The following TRAK1 variants were observed in gnomAD, a reference collection of about 807,000 sequenced individuals.
The protein encoded by TRAK1 is trafficking kinesin-binding protein 1.
Under a neutral mutation model 92.1 loss-of-function variants are expected in TRAK1, and 33 were observed. The ratio of observed to expected loss-of-function variants is 0.36; its 90% CI spans 0.27 to 0.48. TRAK1 has a LOEUF of 0.48. TRAK1 is among the 20% of genes least tolerant of loss of function. The probability of loss-of-function intolerance (pLI) is 0.99; values close to 1 mark genes in which losing one functional copy is unlikely to be tolerated. For missense variants in TRAK1, 1,123 were observed against 1,257.9 expected (o/e 0.89, Z 1.62); for synonymous variants, 521 against 517.3 (o/e 1.01, Z -0.10).
intron 1 of TRAK1, among the ~76,000 whole-genome samples, chr3:42,075,515 T>C (rs573404893): frequency 6.6e-6 from 1 of 152,292 alleles, no homozygotes; most frequent in South Asian, 2.1e-4. Context: ...GTAATGGGAT[T>C]GTTGCGTTGA....
chr3:42,207,263 G>A (rs1708440628), intron 13 of TRAK1, among the ~76,000 whole-genome samples: 1 of 152,206 alleles, frequency 6.6e-6, no homozygotes, highest in South Asian at 2.1e-4. Context: ...CAGCCAGTGA[G>A]CATTTGTACT....
At chr3:42,185,771 A>G (rs1424141399) in intron 4 of TRAK1, among the ~76,000 whole-genome samples, 1 of 149,446 alleles carries the variant, frequency 6.7e-6, no homozygotes, top group Non-Finnish European at 1.5e-5. Flanking sequence ...CCCCGAGTTC[A>G]AGCTATTGTC....
intron 7 of TRAK1, among the ~76,000 whole-genome samples, chr3:42,192,474 T>TAAGTATTTTGCATTTTGTCAAAGTACC (rs1705946916): frequency 5.3e-5 from 7 of 131,874 alleles, no homozygotes; most frequent in Non-Finnish European, 1.1e-4. Context: ...GTCAAAGTAC[T>TAAGTATTTTGCATTTTGTCAAAGTACC]AAGTATTTTG....
At chr3:42,065,735 T>C (rs1703647632) in intron 1 of TRAK1, among the ~76,000 whole-genome samples, 1 of 152,032 alleles carries the variant, frequency 6.6e-6, no homozygotes, top group African/African-American at 2.4e-5. Context: ...GCCCAAGCTA[T>C]CCTCTCACCT....
At chr3:42,015,638 G>C (rs762614596) in intron 1 of TRAK1, among the ~76,000 whole-genome samples, 3 of 152,122 alleles carry the variant, frequency 2.0e-5, no homozygotes, top group Non-Finnish European at 4.4e-5. Flanking sequence ...CAACATGATT[G>C]GGTTTGTAAT....
chr3:42,131,547 T>A (rs150438576), intron 2 of TRAK1, among the ~76,000 whole-genome samples: 4 of 151,486 alleles, frequency 2.6e-5, no homozygotes, highest in Non-Finnish European at 5.9e-5. Flanking sequence ...CGAAACTCCA[T>A]CTCTACTAAA....
intron 3 of TRAK1, among the ~76,000 whole-genome samples, chr3:42,183,757 A>G (rs1192700494): frequency 6.6e-6 from 1 of 152,144 alleles, no homozygotes; most frequent in Non-Finnish European, 1.5e-5. Flanking sequence ...TAATTAGCAT[A>G]GACTTCTAAA....
intron 4 of TRAK1, among the ~76,000 whole-genome samples, chr3:42,185,973 C>CTTTTTTTTTT (rs1054954407): frequency 9.5e-5 from 8 of 83,974 alleles, no homozygotes; most frequent in African/African-American, 1.1e-4. Flanking sequence ...TGTGCCCAGC[C>CTTTTTTTTTT]TTTTTTTTTT....
chr3:42,209,786 C>T lies in TRAK1; in HGVS notation c.1764C>T (p.His588=), dbSNP rs1175338536. ...KPLEGSATLH[H]WQQLAQPHLG... is the part of the protein sequence containing the mutation. ...TGCAAGGTTCCGCCACACTTCACCA[C>T]TGGCAGCAGTTGGCCCAACCTCACC... The change falls in exon 14 of 16, where the codon CAC becomes CAT. Residue 588 remains histidine, a synonymous_variant. Coordinates refer to ENST00000327628, the MANE Select transcript of TRAK1 (RefSeq NM_001042646.3). 1.9e-6 allele frequency: 3 copies of T among 1,614,188 alleles called. No homozygotes were observed. The highest frequency in any genetic ancestry group is 1.1e-5 in the South Asian group (1 of 91,082).
chr3:42,093,518 T>G (rs1210002161), intron 1 of TRAK1, among the ~76,000 whole-genome samples: 2 of 151,948 alleles, frequency 1.3e-5, no homozygotes, highest in African/African-American at 2.4e-5. Context: ...CATGTGATTT[T>G]GGGGCCATAG....
chr3:42,045,428 G>A (rs564211817), intron 1 of TRAK1, among the ~76,000 whole-genome samples: 142 of 152,288 alleles, frequency 9.3e-4, no homozygotes, highest in Non-Finnish European at 2.9e-4. Flanking sequence ...CCAGCTACTA[G>A]GGAGGCTGAG....
At chr3:42,221,071 C>CT (rs369421571) in intron 15 of TRAK1, among the ~76,000 whole-genome samples, 2,092 of 85,280 alleles carry the variant, frequency 0.025, 19 homozygotes, top group African/African-American at 0.032. Context: ...AGAGAAGGCT[C>CT]TTTTTTTTTT....
chr3:42,060,318 G>T (rs1433743790), intron 1 of TRAK1, among the ~76,000 whole-genome samples: 1 of 149,974 alleles, frequency 6.7e-6, no homozygotes, highest in East Asian at 2.0e-4. Flanking sequence ...AGACAGAGAT[G>T]GCTACAGCAC....
chr3:42,178,735 G>T (rs965357240), intron 3 of TRAK1, among the ~76,000 whole-genome samples: 82 of 152,258 alleles, frequency 5.4e-4, no homozygotes, highest in African/African-American at 2.0e-3. Context: ...AGCACTTTGG[G>T]AGGCCAAGAC....
chr3:42,027,184 A>G (rs893478558), intron 1 of TRAK1, among the ~76,000 whole-genome samples: 1 of 152,330 alleles, frequency 6.6e-6, no homozygotes, highest in Non-Finnish European at 1.5e-5. Flanking sequence ...CATTAGTGGC[A>G]TATCTTACTC....
intron 1 of TRAK1, among the ~76,000 whole-genome samples, chr3:42,059,595 C>T (rs80042369): frequency 0.074 from 11,276 of 152,096 alleles, 488 homozygotes; most frequent in Middle Eastern, 0.21. Context: ...CAAGAATATA[C>T]GTGACAGGTC....
At chr3:42,175,297 A>G (rs1703054593) in intron 2 of TRAK1, among the ~76,000 whole-genome samples, 1 of 152,150 alleles carries the variant, frequency 6.6e-6, no homozygotes, top group African/African-American at 2.4e-5. Context: ...GTGCGTGAAG[A>G]AGACTAACTC....
intron 2 of TRAK1, among the ~76,000 whole-genome samples, chr3:42,174,602 C>G: frequency 6.6e-6 from 1 of 151,026 alleles, no homozygotes; most frequent in Non-Finnish European, 1.5e-5. Flanking sequence ...TCCCGAGTAG[C>G]TGGGACTACA....
intron 11 of TRAK1, among the ~76,000 whole-genome samples, chr3:42,199,843 C>T (rs1707271933): frequency 1.3e-5 from 2 of 152,186 alleles, no homozygotes; most frequent in South Asian, 4.1e-4. Context: ...GATGTCTTTC[C>T]CATCTCTCTT....
Sources: allele counts gnomAD v4.1 joint callset (sites outside exome capture counted in the v4.1 genomes callset), GRCh38; gene constraint gnomAD v4.1.1; transcripts MANE v1.5; gene names NCBI Gene and HGNC (gene_info 2026-07-23, HGNC 2026-07-21).